PDGFC: variants seen among roughly 807,000 people sequenced by gnomAD.
The protein encoded by PDGFC is platelet derived growth factor C, also known as platelet-derived growth factor C.
Under a neutral mutation model 35.5 loss-of-function variants are expected in PDGFC, and 12 were observed. The ratio of observed to expected loss-of-function variants is 0.34; its 90% CI spans 0.22 to 0.55. The LOEUF is 0.55. Among genes scored for constraint, PDGFC ranks in the 20% least tolerant of loss-of-function variants. The pLI is 0.91. For synonymous variants in PDGFC, 159 were observed against 148.8 expected, an observed-to-expected ratio of 1.07 and a Z score of -0.50; for missense variants, 322 against 412.4, an observed-to-expected ratio of 0.78 and a Z score of 1.90.
chr4:156,949,368 T>A (rs1008614122), intron 1 of PDGFC, among the ~76,000 whole-genome samples: 19 of 151,874 alleles, frequency 1.3e-4, no homozygotes, highest in African/African-American at 4.6e-4. Flanking sequence ...ACTTTTTTTT[T>A]TATTTCTTTC....
intron 1 of PDGFC, among the ~76,000 whole-genome samples, chr4:156,906,369 G>A (rs1730915857): frequency 1.3e-5 from 2 of 151,992 alleles, no homozygotes; most frequent in South Asian, 4.1e-4. Flanking sequence ...AATGTTTATG[G>A]CTCATGGTGA....
chr4:156,768,106 A>T, intron 4 of PDGFC, 116 bp from the exon 5 acceptor site: 1 of 695,960 alleles, frequency 1.4e-6, no homozygotes, highest in Admixed American at 2.3e-5. Context: ...CAATATCCAT[A>T]ACAATATCCG....
chr4:156,770,651 A>G (rs1460265635), intron 4 of PDGFC: 1 of 152,100 alleles, frequency 6.6e-6, no homozygotes, highest in Non-Finnish European at 1.5e-5. Context: ...CTCCTAAGAA[A>G]ACAAATACAG....
intron 1 of PDGFC, among the ~76,000 whole-genome samples, chr4:156,947,581 G>A (rs1489926046): frequency 2.0e-5 from 3 of 151,976 alleles, no homozygotes; most frequent in Non-Finnish European, 4.4e-5. Flanking sequence ...CCTTATTTAT[G>A]TGTAGATAAA....
chr4:156,950,674 TC>T (rs1291735018), intron 1 of PDGFC, among the ~76,000 whole-genome samples: 2 of 151,824 alleles, frequency 1.3e-5, no homozygotes, highest in African/African-American at 4.8e-5. Flanking sequence ...TCTTTTTTTT[TC>T]CTCTCCACTA....
At chr4:156,910,341 G>T (rs1731010013) in intron 1 of PDGFC, among the ~76,000 whole-genome samples, 1 of 151,990 alleles carries the variant, frequency 6.6e-6, no homozygotes, top group Non-Finnish European at 1.5e-5. Flanking sequence ...TTACATTACT[G>T]TAGTAAATAC....
intron 3 of PDGFC, among the ~76,000 whole-genome samples, chr4:156,794,564 C>G (rs1731387492): frequency 1.3e-5 from 2 of 151,804 alleles, no homozygotes; most frequent in Non-Finnish European, 2.9e-5. Context: ...GGAAACTCTG[C>G]TTTTCCTTTA....
chr4:156,771,807 C>T (rs1730700404), intron 4 of PDGFC, among the ~76,000 whole-genome samples: 1 of 152,154 alleles, frequency 6.6e-6, no homozygotes, highest in African/African-American at 2.4e-5. Flanking sequence ...GCTGTCACTG[C>T]ATTCTCCAAA....
At chr4:156,841,210 G>C (rs1219959332) in intron 2 of PDGFC, 1 of 152,124 alleles carries the variant, frequency 6.6e-6, no homozygotes, top group East Asian at 1.9e-4. Flanking sequence ...TTGAATTGTA[G>C]TTCCCATAAT....
chr4:156,965,427 T>A (rs1732442609), intron 1 of PDGFC, among the ~76,000 whole-genome samples: 1 of 152,064 alleles, frequency 6.6e-6, no homozygotes, highest in Admixed American at 6.6e-5. Context: ...AATTAATTAA[T>A]TAATAAACAA....
At chr4:156,949,034 C>T (rs937814214) in intron 1 of PDGFC, among the ~76,000 whole-genome samples, 2 of 151,842 alleles carry the variant, frequency 1.3e-5, no homozygotes, top group African/African-American at 4.8e-5. Context: ...AGGATTATAG[C>T]GCAGGAGAGT....
intron 1 of PDGFC, among the ~76,000 whole-genome samples, chr4:156,860,853 C>T (rs1488365505): frequency 6.6e-6 from 1 of 151,918 alleles, no homozygotes; most frequent in East Asian, 1.9e-4. Context: ...GAAAAGTAAA[C>T]CAAGGAAATT....
chr4:156,790,164 A>G (rs1181466880), intron 3 of PDGFC, among the ~76,000 whole-genome samples: 2 of 152,172 alleles, frequency 1.3e-5, no homozygotes, highest in African/African-American at 4.8e-5. Context: ...TAAGACAGAT[A>G]ATAACACATA....
At chr4:156,880,986 C>G (rs1019970768) in intron 1 of PDGFC, among the ~76,000 whole-genome samples, 1 of 152,092 alleles carries the variant, frequency 6.6e-6, no homozygotes, top group African/African-American at 2.4e-5. Flanking sequence ...GATAAAGCAA[C>G]AACAGGTATT....
chr4:156,821,947 T>C (rs6819716), intron 2 of PDGFC, among the ~76,000 whole-genome samples: 9,032 of 152,236 alleles, frequency 0.059, 882 homozygotes, highest in African/African-American at 0.21. Flanking sequence ...TGCTGGCTTT[T>C]ATAATCTATC....
intron 2 of PDGFC, among the ~76,000 whole-genome samples, chr4:156,835,697 C>A (rs1729046642): frequency 6.6e-6 from 1 of 152,120 alleles, no homozygotes; most frequent in South Asian, 2.1e-4. Flanking sequence ...AGTAATTTAA[C>A]CAGGGCCATA....
At chr4:156,941,992 G>A (rs1445541710) in intron 1 of PDGFC, among the ~76,000 whole-genome samples, 1 of 152,096 alleles carries the variant, frequency 6.6e-6, no homozygotes, top group African/African-American at 2.4e-5. Context: ...ATAAAGGCAA[G>A]TATAACAAAG....
intron 1 of PDGFC, among the ~76,000 whole-genome samples, chr4:156,965,935 C>G (rs1203414344): frequency 6.6e-6 from 1 of 152,114 alleles, no homozygotes; most frequent in Admixed American, 6.5e-5. Flanking sequence ...AGCAGGGTTG[C>G]AGAAGTATCT....
At chr4:156,891,236 C>T (rs866073861) in intron 1 of PDGFC, among the ~76,000 whole-genome samples, 13 of 130,402 alleles carry the variant, frequency 1.0e-4, no homozygotes, top group Middle Eastern at 5.1e-3. Context: ...GCCGAGATCC[C>T]GCCACTGCAC....
Sources: gnomAD v4.1 joint callset for allele counts (sites outside exome capture counted in the v4.1 genomes callset) on GRCh38, gnomAD v4.1.1 for gene constraint, MANE v1.5 for transcripts, NCBI Gene and HGNC (gene_info 2026-07-23, HGNC 2026-07-21) for gene names.